The following TGM3 variants were observed in gnomAD, a reference collection of about 807,000 sequenced individuals.
TGM3 encodes transglutaminase 3, also known as protein-glutamine gamma-glutamyltransferase E.
A neutral mutation model predicts 73.8 loss-of-function variants in TGM3; 52 were observed. The ratio of observed to expected loss-of-function variants is 0.70; its 90% confidence interval spans 0.56 to 0.89. TGM3 has a LOEUF of 0.89. Ranked by LOEUF, TGM3 falls within the 40% of genes least tolerant of loss-of-function variation. The pLI is 0.00. For synonymous variants in TGM3, 372 were observed against 354.9 expected (o/e 1.05, Z -0.54); for missense variants, 928 against 909.9 (o/e 1.02, Z -0.26).
chr20:2,329,290 GTGT>G (rs2084306718), intron 9 of TGM3, among the ~76,000 whole-genome samples: 1 of 152,164 alleles, frequency 6.6e-6, no homozygotes, highest in Admixed American at 6.5e-5. Flanking sequence ...TTGGCTAATG[GTGT>G]TGGCCGAGTT....
Position 2,317,121 on chromosome 20 carries a change from C to T in TGM3, c.723C>T (p.Tyr241=), listed in dbSNP as rs778149389. The T allele has an allele frequency of 3.7e-6, 6 of 1,613,850 alleles. No homozygotes were observed. The highest frequency in any genetic ancestry group is 5.1e-6 in the Non-Finnish European group (6 of 1,180,010). The change falls in exon 6 of 13, where the codon TAC becomes TAT. Residue 241 remains tyrosine, a synonymous_variant. Transcript: ENST00000381458. ...TTGCTGGGAATTGGAGCGGCACTTA[C>T]ACCGGTGGCCGGGACCCAAGGAGCT... The part of the protein sequence containing the change: ...GVLAGNWSGT[Y]TGGRDPRSWN...
At chr20:2,314,526 CACAT>C (rs1176291533) in intron 5 of TGM3, among the ~76,000 whole-genome samples, 11 of 100,306 alleles carry the variant, frequency 1.1e-4, no homozygotes, top group Non-Finnish European at 1.7e-4. Context: ...ACCTCATCTA[CACAT>C]ACACACACAC....
intron 1 of TGM3, among the ~76,000 whole-genome samples, chr20:2,302,587 C>T (rs1243349151): frequency 6.6e-6 from 1 of 151,918 alleles, no homozygotes; most frequent in Non-Finnish European, 1.5e-5. Flanking sequence ...TACGTATGGC[C>T]CTGCATGGTC....
In TGM3 at chr20:2,332,713, A is replaced by G. The variant is rs924053004; in HGVS notation, c.1642+403A>G. On this transcript the variant is annotated intron_variant, in intron 10 of 12. Transcript: ENST00000381458. The surrounding 1 kb of genome is among the most constrained non-coding windows in gnomAD (Gnocchi z 4.4). The stretch of plus-strand genomic sequence containing the variant: ...TGACTTGCTTCGGAGATAAAGTATC[A>G]TAGATAGTAGTGGTAGTGCTGAGTC... Among the ~76,000 whole-genome samples, 1 of 152,254 alleles carries G rather than the reference A, an allele frequency of 6.6e-6. No individual in the cohort carries two copies. Among genetic ancestry groups the G allele is most frequent in the East Asian group, 1.9e-4 (1 of 5,200 alleles).
At chr20:2,338,771 A>G (rs1016282853) in intron 11 of TGM3, among the ~76,000 whole-genome samples, 3 of 152,242 alleles carry the variant, frequency 2.0e-5, no homozygotes, top group Non-Finnish European at 2.9e-5. Context: ...AAGAAATCCA[A>G]TAGCCATAAA....
intron 1 of TGM3, among the ~76,000 whole-genome samples, chr20:2,299,466 T>C (rs568859038): frequency 1.0e-3 from 159 of 152,258 alleles, no homozygotes; most frequent in Middle Eastern, 3.4e-3. Flanking sequence ...TCTCTGCAGA[T>C]GGAGCAATCA....
At chr20:2,324,187 C>G (rs2084275431) in intron 7 of TGM3, among the ~76,000 whole-genome samples, 1 of 151,950 alleles carries the variant, frequency 6.6e-6, no homozygotes, top group Non-Finnish European at 1.5e-5. Flanking sequence ...GATATTTGTG[C>G]TTTTTCCAGT....
chr20:2,317,871 A>G (rs904354222), intron 7 of TGM3, among the ~76,000 whole-genome samples: 3 of 151,006 alleles, frequency 2.0e-5, no homozygotes, highest in Admixed American at 6.6e-5. Context: ...AATCCATATG[A>G]CTTACAAACT....
intron 8 of TGM3, 112 bp downstream of exon 8, chr20:2,326,064 G>A: frequency 9.5e-7 from 1 of 1,053,634 alleles, no homozygotes; most frequent in Non-Finnish European, 1.4e-6. Flanking sequence ...TGCATGATGG[G>A]ATTAAAACAA....
Position 2,309,659 on chromosome 20 carries a change from C to T in TGM3, c.10C>T (p.Leu4=). The change falls in exon 2 of 13, where the codon CTA becomes TTA. Residue 4 remains leucine, a splice_region_variant and synonymous_variant. Coordinates refer to ENST00000381458, the MANE Select transcript of TGM3 (RefSeq NM_003245.4). ...AGGTTCTCCTTTCTGCCTCACAGCT[C>T]TAGGAGTCCAGAGTATCAACTGGCA... is the stretch of plus-strand genomic sequence containing the variant. MAA[L]GVQSINWQTA... 6.2e-7 allele frequency: 1 copy of T among 1,613,838 alleles called. No individual in the cohort carries two copies. Among genetic ancestry groups the T allele is most frequent in the East Asian group, 2.2e-5 (1 of 44,868 alleles).
In TGM3 at chr20:2,339,958, C is replaced by A. The variant is rs746440243; in HGVS notation, c.1905C>A (p.Ser635Arg). Residue 635 changes from serine (S) to arginine (R), a missense_variant, in exon 12 of 13, where the codon AGC becomes AGA. Ser to Arg is a moderately radical substitution (Grantham distance 110). Transcript: ENST00000381458. ...ACTGCGTGCTGATGGTGGAGGGAAG[C>A]GGCCTGCTGTTGGGTAACCTGAAGA... is the stretch of plus-strand genomic sequence containing the variant. ...VRDCVLMVEG[S>R]GLLLGNLKID... The A allele has an allele frequency of 2.9e-6, 4 of 1,397,690 alleles. No homozygotes were observed. Among genetic ancestry groups the A allele is most frequent in the Non-Finnish European group, 3.8e-6 (4 of 1,046,278 alleles). 86.6% of individuals were successfully genotyped at this position (1,397,690 alleles called of 1,614,324 possible). A position where few individuals can be genotyped will look rare whatever the true frequency, so the allele number is the denominator to read the frequency against.
At chr20:2,325,435 C>T (rs565405085) in intron 7 of TGM3, among the ~76,000 whole-genome samples, 2 of 152,314 alleles carry the variant, frequency 1.3e-5, no homozygotes, top group East Asian at 1.9e-4. Context: ...ACACCAAGCA[C>T]AGAAGCATAC....
intron 1 of TGM3, among the ~76,000 whole-genome samples, chr20:2,301,714 T>C (rs1301487388): frequency 2.0e-5 from 3 of 152,064 alleles, no homozygotes; most frequent in African/African-American, 7.2e-5. Flanking sequence ...AGCATTTTTT[T>C]TTTTGAGACG....
Position 2,328,456 on chromosome 20 carries a change from C to A in TGM3, c.1333+91C>A. ...GGAGAGGAGAAAAGTCCTCACCTCC[C>A]CCGCACTGGCAGCCAGTTCTGCCTG... On this transcript the variant is annotated intron_variant, in intron 9 of 12. Coordinates refer to ENST00000381458, the MANE Select transcript of TGM3 (RefSeq NM_003245.4). The surrounding 1 kb of genome is among the most constrained non-coding windows in gnomAD (Gnocchi z 5.2). The A allele has an allele frequency of 6.5e-7, 1 of 1,528,538 alleles. No individual in the cohort carries two copies. Among genetic ancestry groups the A allele is most frequent in the Non-Finnish European group, 8.9e-7 (1 of 1,129,938 alleles). The allele number at this position is 1,528,538 out of a possible 1,614,324, so 94.7% of individuals were successfully genotyped here.
At chr20:2,300,005 A>C (rs2084134380) in intron 1 of TGM3, among the ~76,000 whole-genome samples, 2 of 152,128 alleles carry the variant, frequency 1.3e-5, no homozygotes, top group African/African-American at 2.4e-5. Flanking sequence ...CTGAGGTTAC[A>C]GTGAGGCAAG....
Position 2,325,881 on chromosome 20 carries a change from T to G in TGM3, c.1016T>G (p.Val339Gly), listed in dbSNP as rs776553784. The G allele has an allele frequency of 1.3e-6, 2 of 1,581,786 alleles. No homozygotes were observed. ...CATGTCTGGAATGAAGGCTGGTTTG[T>G]GAGGTCTGACCTGGGCCCCTCGTAC... is the stretch of plus-strand genomic sequence containing the variant. ...NFHVWNEGWF[V>G]RSDLGPSYGG... The change falls in exon 8 of 13, where the codon GTG (valine) becomes GGG (glycine). Residue 339 changes from valine to glycine, a missense_variant. Val to Gly is a moderately radical substitution (Grantham distance 109, BLOSUM62 -3). Transcript: ENST00000381458.
At chr20:2,319,380 T>C (rs1414858994) in intron 7 of TGM3, among the ~76,000 whole-genome samples, 1 of 152,108 alleles carries the variant, frequency 6.6e-6, no homozygotes, top group East Asian at 1.9e-4. Context: ...AGGCCACTAG[T>C]AGAGGCTAAT....
chr20:2,321,671 G>A (rs1033800339), intron 7 of TGM3, among the ~76,000 whole-genome samples: 8 of 152,290 alleles, frequency 5.3e-5, no homozygotes, highest in Admixed American at 1.3e-4. Flanking sequence ...TCTGATGCCC[G>A]CAGCCTGTCC....
chr20:2,336,373 C>G (rs1044983045), intron 11 of TGM3, among the ~76,000 whole-genome samples: 2 of 152,152 alleles, frequency 1.3e-5, no homozygotes, highest in Non-Finnish European at 2.9e-5. Flanking sequence ...CCTGCCCTCT[C>G]TCATCTGCTG....
Sources: allele counts gnomAD v4.1 joint callset (sites outside exome capture counted in the v4.1 genomes callset), GRCh38; gene constraint gnomAD v4.1.1; non-coding constraint Gnocchi (gnomAD v3.1); transcripts MANE v1.5; gene names NCBI Gene and HGNC (gene_info 2026-07-23, HGNC 2026-07-21).